The following MARF1 variants were observed in gnomAD, a reference collection of about 807,000 sequenced individuals.
MARF1 encodes the protein meiosis regulator and mRNA stability factor 1.
Under a neutral mutation model 168.2 loss-of-function variants are expected in MARF1, and 24 were observed. The ratio of observed to expected loss-of-function variants is 0.14; its 90% CI spans 0.10 to 0.20. The LOEUF is 0.20. Among genes scored for constraint, MARF1 ranks in the 10% least tolerant of loss-of-function variants. The probability of loss-of-function intolerance (pLI) is 1.00; values close to 1 mark genes in which losing one functional copy is unlikely to be tolerated. For missense variants in MARF1, 1,744 were observed against 2,143.6 expected, an observed-to-expected ratio of 0.81 and a Z score of 3.68; for synonymous variants, 868 against 822.4, an observed-to-expected ratio of 1.06 and a Z score of -0.95.
chr16:15,615,518 G>C (rs1332045402), intron 16 of MARF1, among the ~76,000 whole-genome samples: 1 of 152,054 alleles, frequency 6.6e-6, no homozygotes, highest in Non-Finnish European at 1.5e-5. Context: ...CCAGCTACTC[G>C]GGAGGCTGAG....
At position 15,642,284 on chromosome 16, in the gene MARF1, G is replaced by A. The variant is rs897432811; in HGVS notation, c.-59+734C>T. Among the ~76,000 whole-genome samples, 4 of 151,962 alleles carry A rather than the reference G, an allele frequency of 2.6e-5. No individual in the cohort carries two copies. In the South Asian group the frequency reaches 8.3e-4, roughly 32 times the overall value. On this transcript the variant is annotated intron_variant, in intron 1 of 26. Coordinates refer to ENST00000396368, the MANE Select transcript of MARF1 (RefSeq NM_014647.4). ...ATTTTATTATCTTTCTCCCCCATTA[G>A]GCTATAAACTCCATGACAGCAGAGA...
rs2031496470 is a variant in MARF1, at chr16:15,594,518, AAAAC to A, written c.*2171_*2174del. The A allele has an allele frequency of 6.5e-6, 1 of 152,784 alleles. No homozygotes were observed. The highest frequency in any genetic ancestry group is 1.9e-4 in the East Asian group (1 of 5,184). The allele number at this position is 152,784 out of a possible 1,614,324, so 9.5% of individuals were successfully genotyped here. ...CATCTCTTTCCCCCAAACCCAATCC[AAAAC>A]AAACAGTGCAAGATGGGAAAGGGGG... On this transcript the variant is annotated 3_prime_UTR_variant, in exon 27 of 27. Transcript: ENST00000396368.
Position 15,602,612 on chromosome 16 carries a change from G to T in MARF1, c.4414-409C>A, listed in dbSNP as rs932747245. The T allele has an allele frequency of 2.5e-5, 3 of 121,768 alleles. No individual in the cohort carries two copies. In the African/African-American group the frequency reaches 7.6e-4, roughly 31 times the overall value. 7.5% of individuals were successfully genotyped at this position (121,768 alleles called of 1,614,324 possible). On this transcript the variant is annotated intron_variant, in intron 22 of 26. Transcript: ENST00000396368. ...GACAAAAAAGACAAAGAAGAAGAAA[G>T]GAGGAGGAGGAAGGAAAGAAGGAAG...
Position 15,631,478 on chromosome 16 carries a change from A to ATTGATGTGGGCAACGGTTACCTGCATT in MARF1, c.1234-7_1253dup (p.Ile417_Asn418insLysMetGlnValThrValAlaHisIle). ...CATCAGCGGCATTCTTTGCAGTAGC[A>ATTGATGTGGGCAACGGTTACCTGCATT]TTGATGTGGGCAACGGTTACCTGCA... On this transcript the variant is annotated inframe_insertion, in exon 6 of 27. Coordinates refer to ENST00000396368, the MANE Select transcript of MARF1 (RefSeq NM_014647.4). 6.2e-7 allele frequency: 1 copy of ATTGATGTGGGCAACGGTTACCTGCATT among 1,612,722 alleles called. No homozygotes were observed. Among genetic ancestry groups the ATTGATGTGGGCAACGGTTACCTGCATT allele is most frequent in the Non-Finnish European group, 8.5e-7 (1 of 1,178,928 alleles).
chr16:15,635,954 C>G lies in MARF1; in HGVS notation c.533G>C (p.Ser178Thr). Residue 178 changes from serine (S) to threonine (T), a missense_variant, in exon 3 of 27, where the codon AGC (serine) becomes ACC (threonine). This residue lies in a region of MARF1 where 318 missense variants were observed against 336.6 expected (regional missense o/e 0.94). Coordinates refer to ENST00000396368, the MANE Select transcript of MARF1 (RefSeq NM_014647.4). ...AGACAGGTTACTCTCTAGACACATG[C>G]TGGGAAAGTCACTTGCAATGCCTGC... is the stretch of plus-strand genomic sequence containing the variant. Reference protein sequence around the residue: ...NLAGIASDFPSMCLESNLSSC... With the variant: ...NLAGIASDFPTMCLESNLSSC... The G allele has an allele frequency of 6.2e-7, 1 of 1,614,098 alleles. No individual in the cohort carries two copies.
At chr16:15,602,736 C>T (rs138527660) in intron 22 of MARF1, 44 of 432,604 alleles carry the variant, frequency 1.0e-4, no homozygotes, top group African/African-American at 8.6e-4. Flanking sequence ...TCGAAGGCTG[C>T]AGCGGTCTGA....
chr16:15,613,672 T>TAAATAAATAAATAAATAAAG (rs2033781219), intron 16 of MARF1, among the ~76,000 whole-genome samples: 1 of 142,924 alleles, frequency 7.0e-6, no homozygotes, highest in Non-Finnish European at 1.5e-5. Context: ...AATAAATAAA[T>TAAATAAATAAATAAATAAAG]AAATAAATAA....
chr16:15,594,647 A>G lies in MARF1; in HGVS notation c.*2046T>C, dbSNP rs775190015. 1 of 152,654 alleles carries G rather than the reference A, an allele frequency of 6.6e-6. No homozygotes were observed. The highest frequency in any genetic ancestry group is 1.5e-5 in the Non-Finnish European group (1 of 68,042). 9.5% of individuals were successfully genotyped at this position (152,654 alleles called of 1,614,324 possible). A position where few individuals can be genotyped will look rare whatever the true frequency, so the allele number is the denominator to read the frequency against. On this transcript the variant is annotated 3_prime_UTR_variant, in exon 27 of 27. Transcript: ENST00000396368. ...AATTACATTGTCTTAATGCTCAAAC[A>G]TCATTTTACCACATCATTTAATTAA... is the stretch of plus-strand genomic sequence containing the variant.
chr16:15,601,511 C>G lies in MARF1; in HGVS notation c.4626+480G>C, dbSNP rs994949308. ...AGCTCTCAGCTCCCTCTTAGCCTCTCGACACTCCATGCCACTTGTCACAAC... is the reference window on the plus strand; with the variant it reads ...AGCTCTCAGCTCCCTCTTAGCCTCTGGACACTCCATGCCACTTGTCACAAC... On this transcript the variant is annotated intron_variant, in intron 23 of 26. Coordinates refer to ENST00000396368, the MANE Select transcript of MARF1 (RefSeq NM_014647.4). 5 of 230,606 alleles carry G rather than the reference C, an allele frequency of 2.2e-5. No homozygotes were observed. In the East Asian group the frequency reaches 5.0e-4, roughly 23 times the overall value. 14.3% of individuals were successfully genotyped at this position (230,606 alleles called of 1,614,324 possible).
At chr16:15,610,474 A>G (rs1292992514) in intron 19 of MARF1, 1 of 153,066 alleles carries the variant, frequency 6.5e-6, no homozygotes, top group Non-Finnish European at 1.5e-5. Flanking sequence ...CCCAGTATCC[A>G]TGAGTTTCGC....
chr16:15,618,343 GAC>G (rs1451886863), intron 13 of MARF1, among the ~76,000 whole-genome samples: 1 of 152,028 alleles, frequency 6.6e-6, no homozygotes, highest in Non-Finnish European at 1.5e-5. Flanking sequence ...CTCCCGGAGA[GAC>G]ACACTCTCCC....
chr16:15,609,715 C>A lies in MARF1; in HGVS notation c.3762G>T (p.Gln1254His). 6.2e-7 allele frequency: 1 copy of A among 1,613,864 alleles called. No homozygotes were observed. Among genetic ancestry groups the A allele is most frequent in the Non-Finnish European group, 8.5e-7 (1 of 1,179,882 alleles). Residue 1254 changes from glutamine to histidine, a missense_variant, in exon 20 of 27, where the codon CAG (glutamine) becomes CAT (histidine). Gln to His is a conservative substitution (Grantham distance 24). Around this residue, in one of 7 missense-constraint regions of MARF1, gnomAD observed 543 missense variants for 742.1 expected, o/e 0.73. Coordinates refer to ENST00000396368, the MANE Select transcript of MARF1 (RefSeq NM_014647.4). ...VICIPKRERT[Q>H]DEIERTKQFS... ...ACTGTTTTGTCCTTTCTATTTCATCCTGAGTGCGTTCTTTTAAAAAAACCA... is the reference window on the plus strand; with the variant it reads ...ACTGTTTTGTCCTTTCTATTTCATCATGAGTGCGTTCTTTTAAAAAAACCA...
intron 22 of MARF1, chr16:15,602,830 A>G (rs932754312): frequency 6.5e-6 from 2 of 306,924 alleles, no homozygotes; most frequent in African/African-American, 2.2e-5. Flanking sequence ...CACTGGGGCC[A>G]TTAAACTGCA....
In MARF1 at chr16:15,608,546, G is replaced by A. The variant is rs954228294; in HGVS notation, c.3955-28C>T. On this transcript the variant is annotated intron_variant, in intron 20 of 26. Transcript: ENST00000396368. The stretch of plus-strand genomic sequence containing the variant: ...TTGAAAACACACGGGGGGAGGAAAG[G>A]GAAAATAAACAAATCACGGGTGTTT... 3.2e-6 allele frequency: 5 copies of A among 1,541,656 alleles called. No individual in the cohort carries two copies. In the African/African-American group the frequency reaches 6.8e-5, roughly 21 times the overall value.
chr16:15,624,860 C>T lies in MARF1; in HGVS notation c.2179G>A (p.Val727Ile), dbSNP rs947863355. Residue 727 changes from valine (V) to isoleucine (I), a missense_variant, in exon 10 of 27, where the codon GTA (valine) becomes ATA (isoleucine). Transcript: ENST00000396368. ...GCAGACGGGTAACTCACTTGGAATA[C>T]AGTCTCCTCTTTATCTTTTTTCTCT... Reference protein sequence around the residue: ...PVEKKDKEETVFQVSYPSAFS... With the variant: ...PVEKKDKEETIFQVSYPSAFS... The T allele has an allele frequency of 1.9e-6, 3 of 1,614,046 alleles. No individual in the cohort carries two copies. In the African/African-American group the frequency reaches 4.0e-5, roughly 22 times the overall value.
At position 15,638,407 on chromosome 16, in the gene MARF1, G is replaced by A. The variant is rs1033782283; in HGVS notation, c.144+683C>T. Among the ~76,000 whole-genome samples the A allele has an allele frequency of 1.9e-4, 29 of 151,928 alleles. 1 individual carries two copies. Among genetic ancestry groups the A allele is most frequent in the Admixed American group, 1.2e-3 (19 of 15,246 alleles). ...TCAAGACCAGCCTGGCCAACATGGC[G>A]AAACCTCGTCTCCACTAAAAATACA... On this transcript the variant is annotated intron_variant, in intron 2 of 26. Transcript: ENST00000396368.
At chr16:15,637,562 A>T (rs1239737819) in intron 2 of MARF1, among the ~76,000 whole-genome samples, 1 of 152,234 alleles carries the variant, frequency 6.6e-6, no homozygotes, top group Non-Finnish European at 1.5e-5. Context: ...TCTGATTTAT[A>T]CAGATCAGGC....
chr16:15,627,045 G>A (rs1033502596), intron 7 of MARF1, among the ~76,000 whole-genome samples: 1 of 150,976 alleles, frequency 6.6e-6, no homozygotes, highest in African/African-American at 2.4e-5. Flanking sequence ...GAGAAAGAAC[G>A]AACAAACGAA....
At chr16:15,610,895 A>C in intron 19 of MARF1, 80 bp downstream of exon 19, 1 of 1,416,014 alleles carries the variant, frequency 7.1e-7, no homozygotes, top group Non-Finnish European at 9.8e-7. Context: ...CAGGGAGGGA[A>C]AACCACATCT....
Sources: allele counts gnomAD v4.1 joint callset (sites outside exome capture counted in the v4.1 genomes callset), GRCh38; gene constraint gnomAD v4.1.1; regional missense constraint gnomAD v4.1.1; transcripts MANE v1.5; gene names NCBI Gene and HGNC (gene_info 2026-07-23, HGNC 2026-07-21).